The following TRANK1 variants were observed in gnomAD, a reference collection of about 807,000 sequenced individuals.
The protein encoded by TRANK1 is tetratricopeptide repeat and ankyrin repeat containing 1.
A neutral mutation model predicts 266.0 loss-of-function variants in TRANK1; 198 were observed. That is an observed-to-expected ratio of 0.74 (90% CI 0.66 to 0.84). The LOEUF (loss-of-function observed/expected upper bound fraction) is 0.84, where lower values mean the gene tolerates loss of function less well. TRANK1 is among the 40% of genes least tolerant of loss of function. The pLI is 0.00. For synonymous variants in TRANK1, 1,396 were observed against 1,384.1 expected (o/e 1.01, Z -0.19); for missense variants, 3,326 against 3,634.6 (o/e 0.92, Z 2.18).
At position 36,899,105 on chromosome 3, in the gene TRANK1, T is replaced by C; in HGVS notation, c.433+4A>G. The C allele has an allele frequency of 6.5e-7, 1 of 1,537,132 alleles. No individual in the cohort carries two copies. Among genetic ancestry groups the C allele is most frequent in the Non-Finnish European group, 8.7e-7 (1 of 1,146,884 alleles). Reference sequence around the variant, plus strand: ...TACAAAAAGTCTCCCCAGTTCCAACTTACTGCTCATAGTGGTGAAGACTCC... The same window carrying C: ...TACAAAAAGTCTCCCCAGTTCCAACCTACTGCTCATAGTGGTGAAGACTCC... On this transcript the variant is annotated splice_donor_region_variant and intron_variant, in intron 4 of 23. Transcript: ENST00000645898.
intron 3 of TRANK1, among the ~76,000 whole-genome samples, chr3:36,900,996 C>T (rs1215468170): frequency 6.6e-6 from 1 of 151,472 alleles, no homozygotes; most frequent in Non-Finnish European, 1.5e-5. Context: ...GTCTAAAGAC[C>T]TCAGATAACA....
In TRANK1 at chr3:36,842,638, T is replaced by G; in HGVS notation, c.5264A>C (p.Lys1755Thr). The G allele has an allele frequency of 6.2e-7, 1 of 1,613,958 alleles. No homozygotes were observed. Among genetic ancestry groups the G allele is most frequent in the Non-Finnish European group, 8.5e-7 (1 of 1,179,878 alleles). The change falls in exon 18 of 24, where the codon AAG becomes ACG. Residue 1755 changes from lysine to threonine, a missense_variant. Transcript: ENST00000645898. The part of the protein sequence containing the change: ...EWIAQGDYYA[K>T]HQCWKVAAKC... Reference sequence around the variant, plus strand: ...ACCCCTTACCTTCCAGCACTGGTGCTTGGCGTAGTAATCTCCCTGTGCAAT... The same window carrying G: ...ACCCCTTACCTTCCAGCACTGGTGCGTGGCGTAGTAATCTCCCTGTGCAAT...
At chr3:36,912,167 G>GCAA in intron 1 of TRANK1, among the ~76,000 whole-genome samples, 1 of 151,696 alleles carries the variant, frequency 6.6e-6, no homozygotes, top group African/African-American at 2.4e-5. Flanking sequence ...TCCAGCCTGG[G>GCAA]CAACAGAGTG....
At chr3:36,938,219 TG>T (rs1251308918) in intron 1 of TRANK1, among the ~76,000 whole-genome samples, 1 of 150,148 alleles carries the variant, frequency 6.7e-6, no homozygotes, top group Non-Finnish European at 1.5e-5. Context: ...TTGTTTGTTT[TG>T]TTTTTTTTGT....
At chr3:36,924,909 C>T (rs961286790) in intron 1 of TRANK1, among the ~76,000 whole-genome samples, 1 of 152,214 alleles carries the variant, frequency 6.6e-6, no homozygotes, top group African/African-American at 2.4e-5. Context: ...AAGAGGCTCT[C>T]TGCTCCTGCT....
intron 9 of TRANK1, among the ~76,000 whole-genome samples, chr3:36,865,024 G>GTTTTTTTTTT (rs34540496): frequency 1.7e-5 from 2 of 119,808 alleles, no homozygotes; most frequent in African/African-American, 6.7e-5. Flanking sequence ...TGTTTTTTTG[G>GTTTTTTTTTT]TTTTTTTTTT....
At chr3:36,872,828 G>C (rs553680913) in intron 9 of TRANK1, among the ~76,000 whole-genome samples, 12 of 152,228 alleles carry the variant, frequency 7.9e-5, no homozygotes, top group African/African-American at 2.9e-4. Flanking sequence ...AAAACAGAAT[G>C]CAAGGGGCCA....
chr3:36,880,077 T>G (rs1431225181), intron 8 of TRANK1: 1 of 126,614 alleles, frequency 7.9e-6, no homozygotes, highest in Non-Finnish European at 1.6e-5. Flanking sequence ...AACATGCAAA[T>G]ATATATAAAC....
chr3:36,889,106 C>T (rs1174073110), intron 8 of TRANK1, among the ~76,000 whole-genome samples: 1 of 152,192 alleles, frequency 6.6e-6, no homozygotes, highest in Admixed American at 6.5e-5. Flanking sequence ...AGCCTGGTTC[C>T]TATGATCAGC....
intron 1 of TRANK1, among the ~76,000 whole-genome samples, chr3:36,934,276 C>T (rs1419390867): frequency 6.6e-6 from 1 of 152,130 alleles, no homozygotes; most frequent in Non-Finnish European, 1.5e-5. Context: ...TGAGAAGAAG[C>T]CAATTTCTGG....
rs750079090 is a variant in TRANK1, at chr3:36,857,001, G to A, written c.2721C>T (p.Phe907=). 1 of 1,613,942 alleles carries A rather than the reference G, an allele frequency of 6.2e-7. No homozygotes were observed. The highest frequency in any genetic ancestry group is 8.5e-7 in the Non-Finnish European group (1 of 1,179,864). ...ARMLWELAID[F]SPRCSENPEK... ...CAGGGTTCTCACTGCATCGAGGGGA[G>A]AAGTCAATGGCGAGCTCCCAGAGCA... Residue 907 remains phenylalanine (F), a synonymous_variant, in exon 13 of 24, where the codon TTC becomes TTT. Coordinates refer to ENST00000645898, the MANE Select transcript of TRANK1 (RefSeq NM_001329998.2). This position sits in a 1 kb window ranked among gnomAD's most constrained non-coding sequence, Gnocchi z 4.3.
intron 20 of TRANK1, 58 bp from the exon 21 acceptor site, chr3:36,834,965 T>A: frequency 6.9e-7 from 1 of 1,450,402 alleles, no homozygotes; most frequent in Non-Finnish European, 9.3e-7. Context: ...TTTCTAATCT[T>A]AAACCAATAC....
In TRANK1 at chr3:36,833,382, G is replaced by A. The variant is rs1158683832; in HGVS notation, c.6201C>T (p.Tyr2067=). The A allele has an allele frequency of 1.9e-5, 30 of 1,613,812 alleles. No homozygotes were observed. Among genetic ancestry groups the A allele is most frequent in the East Asian group, 4.5e-5 (2 of 44,864 alleles). ...NHSAGVVEAL[Y]EAASQCEAEP... ...CGGCCTCACACTGGCTGGCTGCTTC[G>A]TAGAGTGCTTCCACCACTCCAGCTG... The change falls in exon 22 of 24, where the codon TAC becomes TAT. Residue 2067 remains tyrosine (Y), a synonymous_variant. Coordinates refer to ENST00000645898, the MANE Select transcript of TRANK1 (RefSeq NM_001329998.2).
rs777520253 is a variant in TRANK1, at chr3:36,842,615, C to G, written c.5280+7G>C. 5.8e-5 allele frequency: 93 copies of G among 1,613,572 alleles called. No homozygotes were observed. Among genetic ancestry groups the G allele is most frequent in the Non-Finnish European group, 7.7e-5 (91 of 1,179,716 alleles). ...TGACAAGGACCCCTCCTAGTCCAAC[C>G]CCTTACCTTCCAGCACTGGTGCTTG... is the stretch of plus-strand genomic sequence containing the variant. On this transcript the variant is annotated splice_region_variant and intron_variant, in intron 18 of 23. Coordinates refer to ENST00000645898, the MANE Select transcript of TRANK1 (RefSeq NM_001329998.2).
chr3:36,934,678 C>T (rs906967086), intron 1 of TRANK1, among the ~76,000 whole-genome samples: 3 of 152,314 alleles, frequency 2.0e-5, no homozygotes, highest in South Asian at 2.1e-4. Context: ...CACAAGTTCA[C>T]GCCCCAGATG....
chr3:36,883,864 G>A (rs1239057810), intron 8 of TRANK1, among the ~76,000 whole-genome samples: 1 of 152,150 alleles, frequency 6.6e-6, no homozygotes, highest in Non-Finnish European at 1.5e-5. Context: ...ATGAGTTTGA[G>A]TGTCCTACAA....
intron 10 of TRANK1, 87 bp downstream of exon 10, chr3:36,864,232 A>T (rs1398878707): frequency 2.3e-5 from 31 of 1,333,320 alleles, no homozygotes; most frequent in Admixed American, 9.1e-5. Flanking sequence ...TTTATTTTTT[A>T]AAATTAATTT....
intron 1 of TRANK1, among the ~76,000 whole-genome samples, chr3:36,938,192 T>C (rs548598714): frequency 1.2e-3 from 177 of 152,106 alleles, no homozygotes; most frequent in Non-Finnish European, 2.3e-3. Context: ...TTCTAGCCTC[T>C]GGGTTTTTTT....
chr3:36,869,310 G>C (rs1018136037), intron 9 of TRANK1, among the ~76,000 whole-genome samples: 1 of 152,216 alleles, frequency 6.6e-6, no homozygotes, highest in African/African-American at 2.4e-5. Context: ...TTCTCACCTA[G>C]ATGCCAAAAG....
Sources: gnomAD v4.1 joint callset for allele counts (sites outside exome capture counted in the v4.1 genomes callset) on GRCh38, gnomAD v4.1.1 for gene constraint, Gnocchi (gnomAD v3.1) non-coding constraint, MANE v1.5 for transcripts, NCBI Gene and HGNC (gene_info 2026-07-23, HGNC 2026-07-21) for gene names.